TACR3: variants seen among roughly 807,000 people sequenced by gnomAD.
The protein encoded by TACR3 is tachykinin receptor 3.
TACR3 carries 34 observed loss-of-function variants against 35.0 expected under a neutral mutation model. The ratio of observed to expected loss-of-function variants is 0.97; its 90% CI spans 0.74 to 1.30. The LOEUF is 1.30. Among genes scored for constraint, TACR3 ranks in the 50% most tolerant of loss-of-function variants. The pLI, the probability that TACR3 is intolerant of heterozygous loss-of-function variation, is 0.00. For missense variants in TACR3, 558 were observed against 591.7 expected (o/e 0.94, Z 0.59); for synonymous variants, 233 against 221.1 (o/e 1.05, Z -0.48).
chr4:103,703,860 G>T (rs568803911), intron 1 of TACR3, among the ~76,000 whole-genome samples: 26 of 151,998 alleles, frequency 1.7e-4, no homozygotes, highest in Admixed American at 5.9e-4. Flanking sequence ...CAGCACTTTG[G>T]GAGGCTGAGG....
At chr4:103,655,349 G>C (rs1242329470) in intron 3 of TACR3, among the ~76,000 whole-genome samples, 1 of 152,056 alleles carries the variant, frequency 6.6e-6, no homozygotes, top group Non-Finnish European at 1.5e-5. Flanking sequence ...GTGTAAATAA[G>C]TCATAAATGG....
At chr4:103,654,368 T>TA (rs1013708734) in intron 3 of TACR3, among the ~76,000 whole-genome samples, 24 of 150,946 alleles carry the variant, frequency 1.6e-4, no homozygotes, top group Non-Finnish European at 2.2e-4. Context: ...TATGCAGCCA[T>TA]AAAAAATGAT....
intron 3 of TACR3, among the ~76,000 whole-genome samples, chr4:103,605,163 T>G (rs2110293684): frequency 6.7e-6 from 1 of 149,322 alleles, no homozygotes; most frequent in Non-Finnish European, 1.5e-5. Flanking sequence ...GAACTCATCA[T>G]TTTTTATGGC....
At chr4:103,697,269 A>G (rs1224253100) in intron 1 of TACR3, among the ~76,000 whole-genome samples, 1 of 152,202 alleles carries the variant, frequency 6.6e-6, no homozygotes, top group Admixed American at 6.5e-5. Context: ...AGAGTGGTTC[A>G]TAGACTGAAA....
At chr4:103,629,872 C>CAAA (rs1157154870) in intron 3 of TACR3, among the ~76,000 whole-genome samples, 7 of 104,130 alleles carry the variant, frequency 6.7e-5, no homozygotes, top group African/African-American at 2.7e-4. Flanking sequence ...AAAAAAAAAA[C>CAAA]AAAAAAAACA....
chr4:103,710,062 A>C (rs892909482), intron 1 of TACR3, among the ~76,000 whole-genome samples: 2 of 152,190 alleles, frequency 1.3e-5, no homozygotes, highest in African/African-American at 4.8e-5. Context: ...ATAATGCAAG[A>C]CTTTAACACT....
rs554774440 is a variant in TACR3, at chr4:103,619,578, G to A, written c.889-27895C>T. ...ATGTTGAATAGGAGTGGTGAGAGTC[G>A]GCATCCTTGTCTTGTTTCAGGTCTC... On this transcript the variant is annotated intron_variant, in intron 3 of 4. Transcript: ENST00000304883. 3.9e-5 allele frequency among the ~76,000 whole-genome samples: 6 copies of A among 152,184 alleles called. No homozygotes were observed. The East Asian group carries it at 7.7e-4, about 20-fold the overall frequency.
At chr4:103,614,595 C>T (rs1057128433) in intron 3 of TACR3, among the ~76,000 whole-genome samples, 2 of 151,966 alleles carry the variant, frequency 1.3e-5, no homozygotes, top group South Asian at 2.1e-4. Context: ...ATCTAGACTA[C>T]GTTAGTATAT....
intron 1 of TACR3, among the ~76,000 whole-genome samples, chr4:103,713,414 T>C (rs974099042): frequency 8.2e-5 from 11 of 134,444 alleles, no homozygotes; most frequent in Admixed American, 2.7e-4. Flanking sequence ...TAGGTGGGAA[T>C]TGAACAATGA....
At chr4:103,605,210 C>G (rs1724325816) in intron 3 of TACR3, among the ~76,000 whole-genome samples, 2 of 140,702 alleles carry the variant, frequency 1.4e-5, no homozygotes, top group South Asian at 2.4e-4. Context: ...GCCACAGTTT[C>G]TTAATCCAGT....
chr4:103,698,846 C>A (rs1169484353), intron 1 of TACR3, among the ~76,000 whole-genome samples: 1 of 151,974 alleles, frequency 6.6e-6, no homozygotes, highest in East Asian at 1.9e-4. Context: ...GTAATGAATA[C>A]CCCAATTACC....
At chr4:103,624,875 G>C (rs558239907) in intron 3 of TACR3, among the ~76,000 whole-genome samples, 1 of 152,068 alleles carries the variant, frequency 6.6e-6, no homozygotes, top group Non-Finnish European at 1.5e-5. Context: ...TATAGGAAGA[G>C]GGCTACAGTT....
At chr4:103,717,920 G>A (rs1484111002) in intron 1 of TACR3, among the ~76,000 whole-genome samples, 1 of 151,956 alleles carries the variant, frequency 6.6e-6, no homozygotes, top group African/African-American at 2.4e-5. Flanking sequence ...CGATTTTAGA[G>A]GCTTTTTAAA....
At chr4:103,697,115 A>C (rs1478119884) in intron 1 of TACR3, among the ~76,000 whole-genome samples, 1 of 152,114 alleles carries the variant, frequency 6.6e-6, no homozygotes, top group African/African-American at 2.4e-5. Flanking sequence ...TGTGAGTTTA[A>C]CACTGGAAAG....
chr4:103,648,610 GA>G (rs1330395219), intron 3 of TACR3, among the ~76,000 whole-genome samples: 3 of 152,038 alleles, frequency 2.0e-5, no homozygotes, highest in Non-Finnish European at 4.4e-5. Context: ...TGTTGCAAGT[GA>G]AAGAATCTCA....
chr4:103,605,557 T>G (rs1724334822), intron 3 of TACR3, among the ~76,000 whole-genome samples: 1 of 151,242 alleles, frequency 6.6e-6, no homozygotes, highest in Admixed American at 6.6e-5. Flanking sequence ...GTGGTTTTGA[T>G]TTGCATTTCT....
At chr4:103,656,815 G>C (rs1725742132) in intron 2 of TACR3, among the ~76,000 whole-genome samples, 1 of 151,960 alleles carries the variant, frequency 6.6e-6, no homozygotes, top group African/African-American at 2.4e-5. Context: ...CATTCAAATG[G>C]TGGGAAAAAA....
At chr4:103,597,228 AG>A (rs1235769939) in intron 3 of TACR3, among the ~76,000 whole-genome samples, 1 of 149,830 alleles carries the variant, frequency 6.7e-6, no homozygotes, top group African/African-American at 2.5e-5. Flanking sequence ...ACAGTGTAAA[AG>A]TGTTCCTATT....
intron 1 of TACR3, among the ~76,000 whole-genome samples, chr4:103,677,521 A>C (rs1364641562): frequency 6.6e-6 from 1 of 152,234 alleles, no homozygotes; most frequent in East Asian, 1.9e-4. Flanking sequence ...AATACTATGC[A>C]GCCCTAAAAA....
Sources: gnomAD v4.1 joint callset for allele counts (sites outside exome capture counted in the v4.1 genomes callset) on GRCh38, gnomAD v4.1.1 for gene constraint, MANE v1.5 for transcripts, NCBI Gene and HGNC (gene_info 2026-07-23, HGNC 2026-07-21) for gene names.